Variants in POLN observed in about 807,000 individuals in gnomAD.
The protein encoded by POLN is DNA polymerase N.
In POLN, 108 loss-of-function variants were observed where a neutral mutation model predicts 113.5. That is an observed-to-expected ratio of 0.95 (90% CI 0.81 to 1.12). POLN has a LOEUF of 1.12. Ranked by LOEUF, POLN falls within the 50% of genes most tolerant of loss-of-function variation. The probability of loss-of-function intolerance (pLI) is 0.00; values close to 1 mark genes in which losing one functional copy is unlikely to be tolerated. For synonymous variants in POLN, 386 were observed against 391.5 expected (o/e 0.99, Z 0.17); for missense variants, 1,097 against 1,077.1 (o/e 1.02, Z -0.26).
intron 19 of POLN, among the ~76,000 whole-genome samples, chr4:2,107,518 C>T (rs1200869160): frequency 6.6e-6 from 1 of 151,656 alleles, no homozygotes; most frequent in Non-Finnish European, 1.5e-5. Context: ...AGAGAGATAA[C>T]GGGGGTAGCA....
chr4:2,141,982 C>G (rs1312924298), intron 16 of POLN, among the ~76,000 whole-genome samples: 1 of 152,182 alleles, frequency 6.6e-6, no homozygotes, highest in Non-Finnish European at 1.5e-5. Flanking sequence ...GCTCTTGGTT[C>G]TGCTCTCATG....
intron 3 of POLN, among the ~76,000 whole-genome samples, chr4:2,216,942 A>G (rs1216398640): frequency 6.6e-6 from 1 of 152,220 alleles, no homozygotes. Flanking sequence ...TCCATGAGAG[A>G]GCCCAGTGTG....
chr4:2,107,551 G>T (rs942315018), intron 19 of POLN, among the ~76,000 whole-genome samples: 3 of 152,188 alleles, frequency 2.0e-5, no homozygotes, highest in African/African-American at 7.2e-5. Context: ...TTGGGGTTGG[G>T]GAGTGGGGGA....
chr4:2,075,706 G>A (rs1021041978), intron 23 of POLN, among the ~76,000 whole-genome samples, 187 bp from the exon 24 acceptor site: 1 of 152,218 alleles, frequency 6.6e-6, no homozygotes, highest in African/African-American at 2.4e-5. Flanking sequence ...AGGCCCAAGA[G>A]GATGTGGCTC....
intron 23 of POLN, among the ~76,000 whole-genome samples, chr4:2,077,489 G>A (rs1730304127): frequency 6.6e-6 from 1 of 152,202 alleles, no homozygotes; most frequent in African/African-American, 2.4e-5. Flanking sequence ...GCAGCCTCTG[G>A]CCAGGGGCCG....
chr4:2,156,157 T>C lies in POLN; in HGVS notation c.1731+631A>G, dbSNP rs150987960. ...TAAAAAATTGTATTTTATAAATATATGTGCTTAGCAAAAAGTGTGGAAAGA... is the reference window on the plus strand; with the variant it reads ...TAAAAAATTGTATTTTATAAATATACGTGCTTAGCAAAAAGTGTGGAAAGA... On this transcript the variant is annotated intron_variant, in intron 16 of 25. Coordinates refer to ENST00000511885, the MANE Select transcript of POLN (RefSeq NM_181808.4). Among the ~76,000 whole-genome samples the C allele has an allele frequency of 1.4e-3, 214 of 152,246 alleles. 1 individual carries two copies. The highest frequency in any genetic ancestry group is 4.7e-3 in the African/African-American group (197 of 41,552).
intron 16 of POLN, among the ~76,000 whole-genome samples, chr4:2,134,114 T>C (rs759393269): frequency 7.9e-5 from 12 of 152,264 alleles, no homozygotes; most frequent in Non-Finnish European, 1.2e-4. Context: ...GTGTGGTATG[T>C]AGCCTTTCCA....
chr4:2,193,819 T>C (rs1198662646), intron 6 of POLN, among the ~76,000 whole-genome samples: 3 of 152,214 alleles, frequency 2.0e-5, no homozygotes, highest in African/African-American at 4.8e-5. Context: ...TCAAGGGCCA[T>C]CTTCAGGAAG....
At chr4:2,192,915 G>A (rs1462719445) in intron 7 of POLN, among the ~76,000 whole-genome samples, 1 of 151,978 alleles carries the variant, frequency 6.6e-6, no homozygotes, top group African/African-American at 2.4e-5. Context: ...TTCTTAGAAA[G>A]TTTATAAGCT....
chr4:2,141,157 G>C (rs755734962), intron 16 of POLN: 1 of 152,296 alleles, frequency 6.6e-6, no homozygotes, highest in Non-Finnish European at 1.5e-5. Context: ...CGGCCTTCTA[G>C]GTCAGGTAAG....
At chr4:2,120,377 C>T (rs189103881) in intron 19 of POLN, among the ~76,000 whole-genome samples, 6 of 151,584 alleles carry the variant, frequency 4.0e-5, no homozygotes, top group African/African-American at 1.5e-4. Context: ...CTTCCATACC[C>T]CGAACATGGT....
intron 7 of POLN, among the ~76,000 whole-genome samples, chr4:2,179,985 G>C (rs2108751054): frequency 6.6e-6 from 1 of 152,316 alleles, no homozygotes; most frequent in South Asian, 2.1e-4. Context: ...ACTGAGTGTT[G>C]AACAGGTAGT....
rs35654336 is a variant in POLN at position 2,131,214 on chromosome 4, G to A, written c.1789+19C>T. 1,179 of 1,542,084 alleles carry A rather than the reference G, an allele frequency of 7.6e-4. 14 individuals carry two copies. In the African/African-American group the frequency reaches 0.014, roughly 18 times the overall value. On this transcript the variant is annotated intron_variant, in intron 17 of 25. Transcript: ENST00000511885. Reference sequence around the variant, plus strand: ...GAGAGTTACCAGAGACTTTAGCAAGGTAGTAAGAAATGAGTTACCTTTAAA... The same window carrying A: ...GAGAGTTACCAGAGACTTTAGCAAGATAGTAAGAAATGAGTTACCTTTAAA...
chr4:2,130,157 A>C (rs976117043), intron 17 of POLN, among the ~76,000 whole-genome samples: 1 of 151,984 alleles, frequency 6.6e-6, no homozygotes, highest in African/African-American at 2.4e-5. Context: ...AGGGAGGCTG[A>C]GGCAGGAGAA....
chr4:2,115,100 T>G (rs1240356941), intron 19 of POLN, among the ~76,000 whole-genome samples: 1 of 151,776 alleles, frequency 6.6e-6, no homozygotes, highest in African/African-American at 2.4e-5. Flanking sequence ...CAGGCTGGAC[T>G]GCAATGGTGT....
chr4:2,204,775 G>A (rs1393165295), intron 5 of POLN, among the ~76,000 whole-genome samples: 1 of 152,162 alleles, frequency 6.6e-6, no homozygotes, highest in East Asian at 1.9e-4. Context: ...GGGATGCAGG[G>A]TTGGTCTAAC....
At chr4:2,130,738 G>C (rs752606410) in intron 17 of POLN, among the ~76,000 whole-genome samples, 2 of 152,204 alleles carry the variant, frequency 1.3e-5, no homozygotes, top group Non-Finnish European at 2.9e-5. Context: ...ATTTCCACTT[G>C]TAAACTGCTA....
intron 24 of POLN, among the ~76,000 whole-genome samples, chr4:2,074,888 GAA>G (rs1730239527): frequency 6.6e-6 from 1 of 152,146 alleles, no homozygotes; most frequent in African/African-American, 2.4e-5. Flanking sequence ...AAGGGAGAGA[GAA>G]AGAACCCCTT....
At chr4:2,117,232 C>T (rs538412370) in intron 19 of POLN, among the ~76,000 whole-genome samples, 3 of 152,336 alleles carry the variant, frequency 2.0e-5, no homozygotes, top group Non-Finnish European at 4.4e-5. Flanking sequence ...TGATACACGT[C>T]ATTTCCATTC....
Sources: allele counts gnomAD v4.1 joint callset (sites outside exome capture counted in the v4.1 genomes callset), GRCh38; gene constraint gnomAD v4.1.1; transcripts MANE v1.5; gene names NCBI Gene and HGNC (gene_info 2026-07-23, HGNC 2026-07-21).